The following NNMT variants were observed in gnomAD, a reference collection of about 807,000 sequenced individuals.
NNMT encodes the protein nicotinamide N-methyltransferase.
In NNMT, 10 loss-of-function variants were observed where a neutral mutation model predicts 11.7. That is an observed-to-expected ratio of 0.85 (90% CI 0.53 to 1.45). The LOEUF (loss-of-function observed/expected upper bound fraction) is 1.45. Ranked by LOEUF, NNMT falls within the 40% of genes most tolerant of loss-of-function variation. NNMT has a pLI of 0.00. For synonymous variants in NNMT, 143 were observed against 133.8 expected (o/e 1.07, Z -0.48); for missense variants, 381 against 319.4 (o/e 1.19, Z -1.47).
chr11:114,290,951 T>C (rs1230215996), intron 2 of NNMT, among the ~76,000 whole-genome samples: 1 of 152,244 alleles, frequency 6.6e-6, no homozygotes, highest in Non-Finnish European at 1.5e-5. Flanking sequence ...TTGTGTTTTT[T>C]CTCTAGATGT....
chr11:114,305,498 C>G (rs1417220048), intron 2 of NNMT, among the ~76,000 whole-genome samples: 1 of 138,986 alleles, frequency 7.2e-6, no homozygotes, highest in Non-Finnish European at 1.6e-5. Context: ...TCCATGCCCC[C>G]TCCCCCCACC....
rs562401909 is a variant in NNMT, at chr11:114,259,348, G to T, written c.-217+1470G>T. On this transcript the variant is annotated intron_variant, in intron 1 of 4. Transcript: ENST00000535401. ...GTGTACACACACGCAGAGGCCCAGT[G>T]GGGGGGGGGGAGCTCCTGCATCCCC... Among the ~76,000 whole-genome samples the T allele has an allele frequency of 6.5e-3, 576 of 88,454 alleles. 7 individuals carry two copies. The highest frequency in any genetic ancestry group is 8.9e-3 in the Non-Finnish European group (365 of 40,930). 58.0% of individuals were successfully genotyped at this position (88,454 alleles called of 152,430 possible).
At chr11:114,301,473 A>G (rs1379894323) in intron 2 of NNMT, among the ~76,000 whole-genome samples, 2 of 152,250 alleles carry the variant, frequency 1.3e-5, no homozygotes, top group Non-Finnish European at 2.9e-5. Flanking sequence ...ACGAAAAGAC[A>G]TGGAGGAAAT....
intron 1 of NNMT, 53 bp from the exon 2 acceptor site, chr11:114,297,897 GC>G: frequency 2.0e-6 from 3 of 1,471,462 alleles, no homozygotes; most frequent in Non-Finnish European, 2.8e-6. Context: ...ATTTGACTCT[GC>G]CCACTGCCAT....
chr11:114,296,609 G>C lies in NNMT; in HGVS notation c.53G>C (p.Arg18Pro). Residue 18 changes from arginine (R) to proline (P), a missense_variant, in exon 1 of 3, where the codon CGG (arginine) becomes CCG (proline). Physicochemically the swap from Arg to Pro is moderately radical, Grantham distance 103. Coordinates refer to ENST00000299964, the MANE Select transcript of NNMT (RefSeq NM_006169.3). ...ACCTATCTAAGCCATTTTAACCCTC[G>C]GGATTACCTAGAAAAATATTACAAG... Reference protein sequence around the residue: ...KDTYLSHFNPRDYLEKYYKFG... With the variant: ...KDTYLSHFNPPDYLEKYYKFG... 1.2e-6 allele frequency: 2 copies of C among 1,614,008 alleles called. No homozygotes were observed. The highest frequency in any genetic ancestry group is 2.2e-5 in the East Asian group (1 of 44,870).
upstream of NNMT, among the ~76,000 whole-genome samples, chr11:114,294,435 G>A (rs539945821): frequency 5.6e-5 from 8 of 142,040 alleles, no homozygotes; most frequent in East Asian, 4.1e-4. Flanking sequence ...CTGAGATCGC[G>A]TCACTGCACT....
chr11:114,261,348 G>A (rs1000098068), intron 1 of NNMT, among the ~76,000 whole-genome samples: 4 of 152,298 alleles, frequency 2.6e-5, no homozygotes, highest in South Asian at 4.1e-4. Flanking sequence ...TTGGGAGGCC[G>A]AGGCGGGTGG....
At position 114,313,414 on chromosome 11, in the gene NNMT, G is replaced by C. The variant is rs1945573959; in HGVS notation, c.*937G>C. 6.6e-6 allele frequency: 1 copy of C among 152,218 alleles called. No individual in the cohort carries two copies. Among genetic ancestry groups the C allele is most frequent in the Admixed American group, 6.5e-5 (1 of 15,286 alleles). The allele number at this position is 152,218 out of a possible 1,614,324, so 9.4% of individuals were successfully genotyped here. A position where few individuals can be genotyped will look rare whatever the true frequency, so the allele number is the denominator to read the frequency against. ...GAGGATGGCTTGAGCCCGGGAGGCG[G>C]AGGTTGCAATGAACTGAGATCGCAC... On this transcript the variant is annotated 3_prime_UTR_variant, in exon 3 of 3. Transcript: ENST00000299964.
intron 2 of NNMT, among the ~76,000 whole-genome samples, chr11:114,284,684 G>A (rs1038441749): frequency 6.0e-5 from 9 of 150,716 alleles, no homozygotes; most frequent in African/African-American, 2.2e-4. Context: ...GGATGGTCTC[G>A]ATCTCCTGAC....
At chr11:114,269,417 A>T (rs1048808341) in intron 2 of NNMT, 2 of 152,194 alleles carry the variant, frequency 1.3e-5, no homozygotes, top group African/African-American at 4.8e-5. Context: ...ACAATCCCTA[A>T]TAATTCTGTA....
intron 2 of NNMT, among the ~76,000 whole-genome samples, chr11:114,268,250 C>A (rs1299353832): frequency 6.6e-6 from 1 of 152,222 alleles, no homozygotes; most frequent in Non-Finnish European, 1.5e-5. Flanking sequence ...CCTAGTGTGA[C>A]AACTGAAGGG....
chr11:114,284,564 A>T (rs1945283046), intron 2 of NNMT, among the ~76,000 whole-genome samples: 1 of 152,058 alleles, frequency 6.6e-6, no homozygotes, highest in Non-Finnish European at 1.5e-5. Flanking sequence ...CCTGGGTTCA[A>T]GCAATTCTCC....
intron 1 of NNMT, 121 bp from the exon 2 acceptor site, chr11:114,297,829 GA>G (rs1323814536): frequency 2.5e-6 from 2 of 807,496 alleles, no homozygotes; most frequent in Non-Finnish European, 4.1e-6. Context: ...GAAAAGTTGT[GA>G]ACAGTAGTGG....
At chr11:114,264,803 A>G (rs1232085173) in intron 2 of NNMT, among the ~76,000 whole-genome samples, 2 of 152,206 alleles carry the variant, frequency 1.3e-5, no homozygotes, top group African/African-American at 4.8e-5. Context: ...ACATTTACCT[A>G]TTTACTATAA....
chr11:114,300,569 T>C (rs1945428777), intron 2 of NNMT, among the ~76,000 whole-genome samples: 1 of 146,680 alleles, frequency 6.8e-6, no homozygotes. Flanking sequence ...ATTTTCTACA[T>C]CCTTACTGAC....
chr11:114,291,717 C>T (rs1005486747), upstream of NNMT, among the ~76,000 whole-genome samples: 3 of 152,058 alleles, frequency 2.0e-5, no homozygotes, highest in Admixed American at 6.6e-5. Context: ...GTGGACTCGT[C>T]CTCTAAGTTT....
At chr11:114,298,928 G>T (rs1034922272) in intron 2 of NNMT, among the ~76,000 whole-genome samples, 4 of 152,158 alleles carry the variant, frequency 2.6e-5, no homozygotes, top group African/African-American at 2.4e-5. Flanking sequence ...TCTGCTGATT[G>T]TCTGACAATA....
intron 1 of NNMT, chr11:114,297,213 T>C (rs980598695): frequency 6.5e-6 from 1 of 154,154 alleles, no homozygotes; most frequent in Admixed American, 6.4e-5. Context: ...TTTCTGGATC[T>C]GGTGTTCAGT....
At chr11:114,281,461 G>A (rs1177395011) in intron 2 of NNMT, among the ~76,000 whole-genome samples, 1 of 152,154 alleles carries the variant, frequency 6.6e-6, no homozygotes, top group Non-Finnish European at 1.5e-5. Context: ...TATGGTGGAG[G>A]GAGGTCAATG....
Sources: gnomAD v4.1 joint callset for allele counts (sites outside exome capture counted in the v4.1 genomes callset) on GRCh38, gnomAD v4.1.1 for gene constraint, MANE v1.5 for transcripts, NCBI Gene and HGNC (gene_info 2026-07-23, HGNC 2026-07-21) for gene names.